Variants in FER observed in about 807,000 individuals in gnomAD.
FER encodes the protein FER tyrosine kinase, also known as tyrosine-protein kinase Fer.
FER carries 63 observed loss-of-function variants against 111.0 expected under a neutral mutation model. The ratio of observed to expected loss-of-function variants is 0.57; its 90% CI spans 0.46 to 0.70. The LOEUF is 0.70. Ranked by LOEUF, FER falls within the 30% of genes least tolerant of loss-of-function variation. The probability of loss-of-function intolerance (pLI) is 0.00; values close to 1 mark genes in which losing one functional copy is unlikely to be tolerated. For synonymous variants in FER, 327 were observed against 313.9 expected (o/e 1.04, Z -0.44); for missense variants, 914 against 954.0 (o/e 0.96, Z 0.55).
chr5:109,077,808 T>A (rs968714110), intron 16 of FER, among the ~76,000 whole-genome samples: 5 of 152,190 alleles, frequency 3.3e-5, no homozygotes, highest in Admixed American at 6.5e-5. Flanking sequence ...GCTGGTTTTT[T>A]AAAATGTTTT....
At chr5:109,186,476 C>G (rs572860648) in intron 19 of FER, among the ~76,000 whole-genome samples, 154 bp downstream of exon 19, 2 of 152,240 alleles carry the variant, frequency 1.3e-5, no homozygotes, top group South Asian at 2.1e-4. Flanking sequence ...TCTAACATCT[C>G]TGCTCTTTAT....
chr5:108,819,709 C>A, intron 3 of FER: 1 of 782,588 alleles, frequency 1.3e-6, no homozygotes, highest in Non-Finnish European at 1.5e-6. Flanking sequence ...CTAATGGAGA[C>A]CATCAATTCC....
chr5:108,765,755 A>T (rs1464218972), intron 1 of FER, among the ~76,000 whole-genome samples: 1 of 152,166 alleles, frequency 6.6e-6, no homozygotes, highest in Non-Finnish European at 1.5e-5. Flanking sequence ...AACATTTTTC[A>T]TATTAATTGG....
chr5:109,108,512 C>T (rs1194403746), intron 17 of FER, among the ~76,000 whole-genome samples: 2 of 152,064 alleles, frequency 1.3e-5, no homozygotes, highest in Non-Finnish European at 2.9e-5. Context: ...GATTCATTCC[C>T]TCACATTTCA....
chr5:109,053,382 C>CAAAAA (rs779550084), intron 16 of FER, among the ~76,000 whole-genome samples: 1 of 80,210 alleles, frequency 1.2e-5, no homozygotes, highest in Non-Finnish European at 2.4e-5. Context: ...GACTCCGTCT[C>CAAAAA]AAAAAAAAAA....
At chr5:108,976,672 G>T (rs1294374542) in intron 13 of FER, among the ~76,000 whole-genome samples, 1 of 151,944 alleles carries the variant, frequency 6.6e-6, no homozygotes, top group South Asian at 2.1e-4. Context: ...TGTCTATACT[G>T]TATTCTTACA....
chr5:108,898,705 T>G (rs1464504164), intron 10 of FER, among the ~76,000 whole-genome samples: 2 of 151,416 alleles, frequency 1.3e-5, no homozygotes, highest in African/African-American at 4.9e-5. Context: ...ATCTTTCCTT[T>G]TTCTATTATC....
At chr5:109,150,702 T>C (rs1326945827) in intron 17 of FER, among the ~76,000 whole-genome samples, 1 of 152,222 alleles carries the variant, frequency 6.6e-6, no homozygotes, top group African/African-American at 2.4e-5. Context: ...TAGTTGTTTA[T>C]GTTTCTCCCC....
intron 3 of FER, among the ~76,000 whole-genome samples, chr5:108,827,677 C>T (rs1379778196): frequency 6.6e-6 from 1 of 151,708 alleles, no homozygotes; most frequent in Non-Finnish European, 1.5e-5. Context: ...TTTCACTTGT[C>T]TTTTTGTTGT....
intron 16 of FER, among the ~76,000 whole-genome samples, chr5:109,060,853 A>C (rs921869090): frequency 6.6e-6 from 1 of 151,782 alleles, no homozygotes; most frequent in Non-Finnish European, 1.5e-5. Context: ...CATAATCACT[A>C]TGTGTTTGTG....
At chr5:109,048,935 A>G (rs1772363699) in intron 16 of FER, among the ~76,000 whole-genome samples, 1 of 151,800 alleles carries the variant, frequency 6.6e-6, no homozygotes, top group Non-Finnish European at 1.5e-5. Flanking sequence ...AGAATATTCC[A>G]TTTTGTGGAT....
chr5:108,932,419 C>T (rs1483425650), intron 10 of FER, among the ~76,000 whole-genome samples: 1 of 152,190 alleles, frequency 6.6e-6, no homozygotes, highest in Non-Finnish European at 1.5e-5. Context: ...TCCAGCCTAT[C>T]ACTGATGGAC....
chr5:109,001,831 ACAC>A (rs1764817389), intron 13 of FER, among the ~76,000 whole-genome samples: 1 of 151,514 alleles, frequency 6.6e-6, no homozygotes, highest in African/African-American at 2.5e-5. Context: ...GCATTCTTAT[ACAC>A]CAATAACAGA....
intron 4 of FER, 77 bp downstream of exon 4, chr5:108,833,020 T>A: frequency 7.7e-7 from 1 of 1,305,802 alleles, no homozygotes; most frequent in Non-Finnish European, 1.0e-6. Flanking sequence ...TATTTGGCTT[T>A]AAAAATTGTT....
intron 16 of FER, among the ~76,000 whole-genome samples, chr5:109,059,035 C>T (rs141098868): frequency 9.9e-4 from 150 of 152,106 alleles, no homozygotes; most frequent in Non-Finnish European, 1.5e-3. Context: ...CCACCATGCC[C>T]GGCCAATTTT....
intron 17 of FER, among the ~76,000 whole-genome samples, chr5:109,140,383 A>G (rs1296781263): frequency 6.6e-6 from 1 of 152,164 alleles, no homozygotes; most frequent in Non-Finnish European, 1.5e-5. Flanking sequence ...TTGTGCTCTT[A>G]TTGGCCAAGT....
intron 5 of FER, chr5:108,841,704 T>C: frequency 5.0e-6 from 1 of 200,994 alleles, no homozygotes; most frequent in Non-Finnish European, 1.0e-5. Flanking sequence ...AAGTAGTATT[T>C]AAGCTGCTGA....
At chr5:109,109,021 G>C (rs1749286780) in intron 17 of FER, among the ~76,000 whole-genome samples, 1 of 152,086 alleles carries the variant, frequency 6.6e-6, no homozygotes, top group South Asian at 2.1e-4. Context: ...AGTGTTCTGT[G>C]CCAGTCTGGA....
At chr5:108,892,756 GA>G (rs1298686215) in intron 9 of FER, among the ~76,000 whole-genome samples, 4 of 152,152 alleles carry the variant, frequency 2.6e-5, no homozygotes, top group Admixed American at 2.6e-4. Context: ...CCTATGTCCT[GA>G]ATGGTAATGC....
Sources: allele counts gnomAD v4.1 joint callset (sites outside exome capture counted in the v4.1 genomes callset), GRCh38; gene constraint gnomAD v4.1.1; transcripts MANE v1.5; gene names NCBI Gene and HGNC (gene_info 2026-07-23, HGNC 2026-07-21).